The following CREB5 variants were observed in gnomAD, a reference collection of about 807,000 sequenced individuals.
CREB5 encodes cyclic AMP-responsive element-binding protein 5.
In CREB5, 19 loss-of-function variants were observed where a neutral mutation model predicts 57.1. That is an observed-to-expected ratio of 0.33 (90% CI 0.23 to 0.49). The LOEUF (loss-of-function observed/expected upper bound fraction) is 0.49. CREB5 is among the 20% of genes least tolerant of loss of function. The pLI is 0.99. For synonymous variants in CREB5, 238 were observed against 238.3 expected, an observed-to-expected ratio of 1.00 and a Z score of 0.01; for missense variants, 579 against 671.6, an observed-to-expected ratio of 0.86 and a Z score of 1.52.
chr7:28,596,607 A>G (rs1000731676), intron 5 of CREB5, among the ~76,000 whole-genome samples: 15 of 152,198 alleles, frequency 9.9e-5, no homozygotes, highest in African/African-American at 1.9e-4. Context: ...TGAACCAGTT[A>G]AAAGCGTGAA....
Position 28,720,453 on chromosome 7 carries a change from G to A in CREB5, c.591+1574G>A, listed in dbSNP as rs535652937. Among the ~76,000 whole-genome samples the A allele has an allele frequency of 2.0e-5, 3 of 152,348 alleles. No homozygotes were observed. The East Asian group carries it at 5.8e-4, about 29-fold the overall frequency. On this transcript the variant is annotated intron_variant, in intron 6 of 10. Transcript: ENST00000357727. The stretch of plus-strand genomic sequence containing the variant: ...CTGTCCAATGTCACACAGCTTGTGA[G>A]TGAAGAATTGTGGCTGGAACCCACG...
chr7:28,798,145 A>C (rs554592780), intron 7 of CREB5, among the ~76,000 whole-genome samples: 2 of 152,358 alleles, frequency 1.3e-5, no homozygotes, highest in East Asian at 3.9e-4. Context: ...AGCAAAAACC[A>C]ACAGCCATTT....
At chr7:28,427,803 T>C (rs1788567260) in intron 1 of CREB5, among the ~76,000 whole-genome samples, 1 of 152,088 alleles carries the variant, frequency 6.6e-6, no homozygotes, top group South Asian at 2.1e-4. Context: ...CCTGGGTTTA[T>C]AATATTATAC....
chr7:28,620,361 T>C (rs1797749370), intron 5 of CREB5, among the ~76,000 whole-genome samples: 1 of 152,176 alleles, frequency 6.6e-6, no homozygotes, highest in Non-Finnish European at 1.5e-5. Flanking sequence ...GGGGTGCCAC[T>C]CATACCTAGT....
In CREB5 at chr7:28,822,093, T is replaced by C. The variant is rs1306090619; in HGVS notation, c.*2814T>C. On this transcript the variant is annotated 3_prime_UTR_variant, in exon 11 of 11. Coordinates refer to ENST00000357727, the MANE Select transcript of CREB5 (RefSeq NM_182898.4). ...ATGTGCATTATATATAGCTCAATTA[T>C]GTCTGTTTTTTATGCTAAGTAGGAA... 1.3e-5 allele frequency: 2 copies of C among 152,314 alleles called. No homozygotes were observed. The highest frequency in any genetic ancestry group is 2.9e-5 in the Non-Finnish European group (2 of 68,042). 9.4% of individuals were successfully genotyped at this position (152,314 alleles called of 1,614,324 possible).
chr7:28,573,330 A>G (rs568697660), intron 5 of CREB5, among the ~76,000 whole-genome samples: 57 of 152,254 alleles, frequency 3.7e-4, no homozygotes, highest in Admixed American at 1.4e-3. Context: ...TTTTATCACA[A>G]CCTCAAATAT....
chr7:28,379,058 A>G (rs1453777500), intron 1 of CREB5, among the ~76,000 whole-genome samples: 1 of 152,216 alleles, frequency 6.6e-6, no homozygotes, highest in Non-Finnish European at 1.5e-5. Flanking sequence ...TCTCTAGGCC[A>G]CAGTTTCTGG....
At chr7:28,628,245 G>A (rs1798075458) in intron 5 of CREB5, among the ~76,000 whole-genome samples, 1 of 151,828 alleles carries the variant, frequency 6.6e-6, no homozygotes, top group African/African-American at 2.4e-5. Flanking sequence ...GACTTTTGTG[G>A]TCTACATTTG....
At chr7:28,442,589 C>T (rs1430825067) in intron 1 of CREB5, among the ~76,000 whole-genome samples, 1 of 152,156 alleles carries the variant, frequency 6.6e-6, no homozygotes, top group Non-Finnish European at 1.5e-5. Flanking sequence ...TAAGAGTTCC[C>T]TTTTCCCGCA....
At position 28,595,835 on chromosome 7, in the gene CREB5, A is replaced by G. The variant is rs765352894; in HGVS notation, c.464+25298A>G. On this transcript the variant is annotated intron_variant, in intron 5 of 10. Coordinates refer to ENST00000357727, the MANE Select transcript of CREB5 (RefSeq NM_182898.4). The stretch of plus-strand genomic sequence containing the variant: ...AAGTGGATAGGAACTGAGGCTTTTG[A>G]AATCAGAGGGGCCAGGCCAGTTTTC... 1.4e-4 allele frequency among the ~76,000 whole-genome samples: 21 copies of G among 152,184 alleles called. 1 individual carries two copies. Among genetic ancestry groups the G allele is most frequent in the Admixed American group, 6.5e-5 (1 of 15,276 alleles).
intron 7 of CREB5, among the ~76,000 whole-genome samples, chr7:28,732,814 A>G (rs1562602984): frequency 6.9e-6 from 1 of 144,594 alleles, no homozygotes. Flanking sequence ...TAGACAGAGG[A>G]GGCAAAGTTT....
At position 28,682,034 on chromosome 7, in the gene CREB5, C is replaced by A. The variant is rs142849210; in HGVS notation, c.465-36719C>A. ...TGCCTCCACCATTATAAATTCATTC[C>A]TTTGTTTGAGACACATTCAGCATTG... is the stretch of plus-strand genomic sequence containing the variant. On this transcript the variant is annotated intron_variant, in intron 5 of 10. Transcript: ENST00000357727. Among the ~76,000 whole-genome samples the A allele has an allele frequency of 3.4e-3, 516 of 152,322 alleles. 1 individual carries two copies. The highest frequency in any genetic ancestry group is 0.014 in the Middle Eastern group (4 of 294).
chr7:28,330,522 G>T (rs1785696094), intron 1 of CREB5, among the ~76,000 whole-genome samples: 1 of 146,994 alleles, frequency 6.8e-6, no homozygotes, highest in Non-Finnish European at 1.5e-5. Context: ...ATGACAGATT[G>T]AAAGTAATAG....
chr7:28,402,637 C>A lies in CREB5; in HGVS notation c.-24-92269C>A, dbSNP rs191338933. Among the ~76,000 whole-genome samples the A allele has an allele frequency of 6.2e-3, 940 of 152,286 alleles. 6 individuals carry two copies. Among genetic ancestry groups the A allele is most frequent in the Non-Finnish European group, 0.01 (687 of 68,022 alleles). The stretch of plus-strand genomic sequence containing the variant: ...GCTGGCCATATGTAGAAAGCTGAAA[C>A]TGGATCCTTTCCTTACACCTCATAC... On this transcript the variant is annotated intron_variant, in intron 1 of 9. Coordinates refer to the CREB5 transcript ENST00000396299.
chr7:28,542,630 T>G (rs1296366153), intron 4 of CREB5, among the ~76,000 whole-genome samples: 1 of 152,052 alleles, frequency 6.6e-6, no homozygotes, highest in Non-Finnish European at 1.5e-5. Flanking sequence ...AAGAAGAAAC[T>G]GGTATTTTAG....
chr7:28,524,603 A>G (rs1793359158), intron 4 of CREB5, among the ~76,000 whole-genome samples: 3 of 152,192 alleles, frequency 2.0e-5, no homozygotes. Context: ...TGCTGTGTAG[A>G]GAATCTTGAA....
At position 28,436,493 on chromosome 7, in the gene CREB5, C is replaced by T. The variant is rs574461128; in HGVS notation, c.3+23576C>T. ...TCCTTTGGTTGGGTGGCAAGAAGAT[C>T]TGAAGAGGATGGATTTTTGGAGGGG... On this transcript the variant is annotated intron_variant, in intron 1 of 10. Transcript: ENST00000357727. 3.3e-5 allele frequency among the ~76,000 whole-genome samples: 5 copies of T among 152,182 alleles called. No homozygotes were observed. The South Asian group carries it at 1.0e-3, about 32-fold the overall frequency.
intron 4 of CREB5, among the ~76,000 whole-genome samples, chr7:28,532,701 C>T (rs1200710220): frequency 6.6e-6 from 1 of 152,190 alleles, no homozygotes; most frequent in Non-Finnish European, 1.5e-5. Flanking sequence ...ACACATTAGG[C>T]TAAAGCAAGA....
intron 1 of CREB5, among the ~76,000 whole-genome samples, chr7:28,454,154 C>G (rs560043683): frequency 6.6e-6 from 1 of 152,060 alleles, no homozygotes; most frequent in Non-Finnish European, 1.5e-5. Flanking sequence ...GGGGCTTCAT[C>G]GTGTTAGCCA....
Sources: gnomAD v4.1 joint callset for allele counts (sites outside exome capture counted in the v4.1 genomes callset) on GRCh38, gnomAD v4.1.1 for gene constraint, MANE v1.5 for transcripts, NCBI Gene and HGNC (gene_info 2026-07-23, HGNC 2026-07-21) for gene names.